Variants in INTS2 observed in about 807,000 individuals in gnomAD.
INTS2 encodes the protein integrator complex subunit 2.
Under a neutral mutation model 139.6 loss-of-function variants are expected in INTS2, and 57 were observed. The observed-to-expected ratio is 0.41, with a 90% CI of 0.33 to 0.51. The LOEUF is 0.51. Among genes scored for constraint, INTS2 ranks in the 20% least tolerant of loss-of-function variants. INTS2 has a pLI of 0.28. For missense variants in INTS2, 1,196 were observed against 1,436.7 expected (o/e 0.83, Z 2.71); for synonymous variants, 473 against 493.4 (o/e 0.96, Z 0.55).
intron 8 of INTS2, among the ~76,000 whole-genome samples, chr17:61,905,977 G>A (rs1442626668): frequency 3.9e-5 from 6 of 152,152 alleles, no homozygotes; most frequent in Non-Finnish European, 7.3e-5. Flanking sequence ...GATTACAGGC[G>A]TGAGCCACCG....
chr17:61,922,423 G>GCAC (rs1185194585), intron 3 of INTS2, among the ~76,000 whole-genome samples: 25 of 133,040 alleles, frequency 1.9e-4, no homozygotes, highest in Non-Finnish European at 3.5e-4. Context: ...AGCCGAGATA[G>GCAC]CACCACTGCA....
chr17:61,893,928 T>C lies in INTS2; in HGVS notation c.1564-29A>G. On this transcript the variant is annotated intron_variant, in intron 12 of 24. Transcript: ENST00000251334. The surrounding 1 kb of genome is among the most constrained non-coding windows in gnomAD (Gnocchi z 5.4). ...AAAGGGAAAAATAGCATTAGTAATA[T>C]AATAGAACTAAATATAAAATTATTT... The C allele has an allele frequency of 1.4e-6, 2 of 1,457,148 alleles. No homozygotes were observed. Among genetic ancestry groups the C allele is most frequent in the Non-Finnish European group, 1.9e-6 (2 of 1,080,582 alleles). The allele number at this position is 1,457,148 out of a possible 1,614,324, so 90.3% of individuals were successfully genotyped here. A position where few individuals can be genotyped will look rare whatever the true frequency, so the allele number is the denominator to read the frequency against.
rs747024579 is a variant in INTS2 at position 61,881,017 on chromosome 17, T to C, written c.2244A>G (p.Gln748=). The C allele has an allele frequency of 4.3e-6, 7 of 1,613,052 alleles. No individual in the cohort carries two copies. Among genetic ancestry groups the C allele is most frequent in the South Asian group, 3.3e-5 (3 of 91,018 alleles). The change falls in exon 17 of 25, where the codon CAA becomes CAG. Residue 748 remains glutamine, a synonymous_variant. Coordinates refer to ENST00000251334, the MANE Select transcript of INTS2 (RefSeq NM_001351695.2). ...TNNAKNHSPK[Q]LQEAFSAVPV... Reference sequence around the variant, plus strand: ...AATAATTTACTATACCTTCTTGGAGTTGTTTGGGAGAATGATTTTTAGCAT... The same window carrying C: ...AATAATTTACTATACCTTCTTGGAGCTGTTTGGGAGAATGATTTTTAGCAT...
Position 61,869,000 on chromosome 17 carries a change from G to A in INTS2, c.3244+34C>T. ...AAATATAGGAACTATAATAATTTAT[G>A]TCAGATGTTTGTTGATGTTGATTGG... On this transcript the variant is annotated intron_variant, in intron 23 of 24. Transcript: ENST00000251334. The surrounding 1 kb of genome is among the most constrained non-coding windows in gnomAD (Gnocchi z 4.7). 3 of 1,181,114 alleles carry A rather than the reference G, an allele frequency of 2.5e-6. No individual in the cohort carries two copies. The highest frequency in any genetic ancestry group is 3.8e-6 in the Non-Finnish European group (3 of 797,734). 73.2% of individuals were successfully genotyped at this position (1,181,114 alleles called of 1,614,324 possible).
At chr17:61,919,352 C>T in intron 5 of INTS2, 48 bp downstream of exon 5, 2 of 889,054 alleles carry the variant, frequency 2.2e-6, no homozygotes, top group Non-Finnish European at 3.7e-6. Context: ...AGGTCCTGTA[C>T]ATGTCCAAGC....
At chr17:61,886,418 A>C (rs4968455) in intron 15 of INTS2, among the ~76,000 whole-genome samples, 44,351 of 151,978 alleles carry the variant, frequency 0.29, 8,618 homozygotes, top group African/African-American at 0.54. Context: ...GCCATGTCCA[A>C]CCTTTTTTTC....
chr17:61,874,989 G>T lies in INTS2; in HGVS notation c.2506C>A (p.Arg836=), dbSNP rs1271586890. 7.5e-6 allele frequency: 12 copies of T among 1,596,576 alleles called. No homozygotes were observed. The highest frequency in any genetic ancestry group is 9.4e-6 in the Non-Finnish European group (11 of 1,170,298). Reference sequence around the variant, plus strand: ...TCATTCTGAGTATACTTTTGTTGTCGTACAAACTTTATTGAAGGCTGAAGT... The same window carrying T: ...TCATTCTGAGTATACTTTTGTTGTCTTACAAACTTTATTGAAGGCTGAAGT... ...NALQPSIKFV[R]QQKYTQNDLM... The change falls in exon 19 of 25, where the codon CGA becomes AGA. Residue 836 remains arginine (R), a synonymous_variant. Transcript: ENST00000251334.
chr17:61,900,545 T>C (rs1567905810), intron 9 of INTS2, among the ~76,000 whole-genome samples: 1 of 152,222 alleles, frequency 6.6e-6, no homozygotes, highest in Non-Finnish European at 1.5e-5. Context: ...GGTTTCTGTA[T>C]AGGTCTTCCC....
chr17:61,920,632 C>T (rs1043056395), intron 4 of INTS2, among the ~76,000 whole-genome samples: 6 of 151,656 alleles, frequency 4.0e-5, no homozygotes, highest in Admixed American at 2.0e-4. Context: ...GGTGAAACCT[C>T]GTCGCCACTA....
At position 61,921,828 on chromosome 17, in the gene INTS2, CT is replaced by C; in HGVS notation, c.433-2del. ...AAAATTCTCCGTTGGACTCAGACAC[CT>C]TAAAAAAGAAAAAAAAAAGATATAA... On this transcript the variant is annotated splice_acceptor_variant, in intron 3 of 24. Coordinates refer to ENST00000251334, the MANE Select transcript of INTS2 (RefSeq NM_001351695.2). LOFTEE classifies it high-confidence loss of function. 1 of 1,480,238 alleles carries C rather than the reference CT, an allele frequency of 6.8e-7. No individual in the cohort carries two copies. The highest frequency in any genetic ancestry group is 9.2e-7 in the Non-Finnish European group (1 of 1,083,088). 91.7% of individuals were successfully genotyped at this position (1,480,238 alleles called of 1,614,324 possible). A position where few individuals can be genotyped will look rare whatever the true frequency, so the allele number is the denominator to read the frequency against.
chr17:61,895,650 G>A (rs941127807), intron 11 of INTS2, among the ~76,000 whole-genome samples: 2 of 152,124 alleles, frequency 1.3e-5, no homozygotes, highest in Non-Finnish European at 2.9e-5. Context: ...AGCTAGGATA[G>A]CTGCCCCTCT....
intron 3 of INTS2, among the ~76,000 whole-genome samples, chr17:61,924,037 T>C (rs1297438315): frequency 2.6e-5 from 4 of 152,226 alleles, no homozygotes; most frequent in Non-Finnish European, 5.9e-5. Flanking sequence ...CAAAGGTCTA[T>C]GACCTAAGTA....
rs1185771069 is a variant in INTS2, at chr17:61,909,508, A to G, written c.955-1874T>C. Among the ~76,000 whole-genome samples the G allele has an allele frequency of 6.6e-6, 1 of 152,134 alleles. No homozygotes were observed. The highest frequency in any genetic ancestry group is 1.5e-5 in the Non-Finnish European group (1 of 68,046). Reference sequence around the variant, plus strand: ...GGCTGTTGGTGTAGTCATCACCCTGATAGTATACCCTGTACCCAATATAGG... The same window carrying G: ...GGCTGTTGGTGTAGTCATCACCCTGGTAGTATACCCTGTACCCAATATAGG... On this transcript the variant is annotated intron_variant, in intron 7 of 24. Transcript: ENST00000251334. The surrounding 1 kb of genome is among the most constrained non-coding windows in gnomAD (Gnocchi z 4.9).
chr17:61,869,165 A>C lies in INTS2; in HGVS notation c.3139-26T>G, dbSNP rs769322422. On this transcript the variant is annotated intron_variant, in intron 22 of 24. Transcript: ENST00000251334. This position sits in a 1 kb window ranked among gnomAD's most constrained non-coding sequence, Gnocchi z 5.4. ...CTGCAATACAAAATCCAGTTATTAC[A>C]TGTTTCTCAAGAATATCTTTAGGTA... 5 of 1,518,760 alleles carry C rather than the reference A, an allele frequency of 3.3e-6. No homozygotes were observed. The highest frequency in any genetic ancestry group is 4.6e-6 in the Non-Finnish European group (5 of 1,096,080). The allele number at this position is 1,518,760 out of a possible 1,614,324, so 94.1% of individuals were successfully genotyped here. A position where few individuals can be genotyped will look rare whatever the true frequency, so the allele number is the denominator to read the frequency against.
intron 8 of INTS2, among the ~76,000 whole-genome samples, chr17:61,907,082 A>T (rs1311589754): frequency 5.3e-5 from 8 of 152,170 alleles, no homozygotes; most frequent in African/African-American, 1.9e-4. Flanking sequence ...AGTCAATGGT[A>T]AAAGATCACT....
intron 3 of INTS2, among the ~76,000 whole-genome samples, chr17:61,923,373 A>T (rs1414357464): frequency 1.4e-5 from 2 of 144,534 alleles, no homozygotes; most frequent in Non-Finnish European, 3.0e-5. Context: ...GCTACTCGGG[A>T]GGCTGAGACA....
intron 17 of INTS2, 66 bp downstream of exon 17, chr17:61,880,941 T>C: frequency 1.6e-6 from 2 of 1,250,820 alleles, no homozygotes; most frequent in South Asian, 1.4e-5. Flanking sequence ...ATTATAAGAT[T>C]TCAATTAGCC....
chr17:61,910,891 T>C (rs2079519809), intron 7 of INTS2: 1 of 152,204 alleles, frequency 6.6e-6, no homozygotes, highest in Non-Finnish European at 1.5e-5. Context: ...ATCTGTCTTT[T>C]TCTTTCTCAT....
At chr17:61,884,873 T>A in intron 16 of INTS2, 28 bp downstream of exon 16, 2 of 1,331,018 alleles carry the variant, frequency 1.5e-6, no homozygotes, top group South Asian at 1.3e-5. Context: ...CAATAAACTT[T>A]AGCAGTAAAA....
Sources: gnomAD v4.1 joint callset for allele counts (sites outside exome capture counted in the v4.1 genomes callset) on GRCh38, gnomAD v4.1.1 for gene constraint, Gnocchi (gnomAD v3.1) non-coding constraint, MANE v1.5 for transcripts, NCBI Gene and HGNC (gene_info 2026-07-23, HGNC 2026-07-21) for gene names.